Variants in SPMIP7 observed in about 807,000 individuals in gnomAD.
SPMIP7 encodes the protein sperm microtubule inner protein 7, also known as protein SPMIP7.
chr7:50,098,531 A>G, the SPMIP7 span, among the ~76,000 whole-genome samples: 20 of 152,186 alleles, frequency 1.3e-4, no homozygotes, highest in Non-Finnish European at 4.4e-5. Context: ...GCATGACAAA[A>G]TACTAAAGGC....
chr7:50,128,492 T>C, the SPMIP7 span, among the ~76,000 whole-genome samples: 1 of 151,998 alleles, frequency 6.6e-6, no homozygotes, highest in Non-Finnish European at 1.5e-5. Context: ...AAAGAAAAGA[T>C]AGATATTTAA....
chr7:50,143,135 A>T, the SPMIP7 span, among the ~76,000 whole-genome samples: 2 of 145,886 alleles, frequency 1.4e-5, no homozygotes, highest in Non-Finnish European at 3.0e-5. Context: ...ACACTGCTAT[A>T]CCCCTGCCTT....
the SPMIP7 span, among the ~76,000 whole-genome samples, chr7:50,114,572 A>C: frequency 3.7e-4 from 57 of 152,242 alleles, no homozygotes; most frequent in Admixed American, 3.5e-3. Flanking sequence ...TGAAATTTTA[A>C]AATTAAAAAA....
At chr7:50,133,177 T>A in the SPMIP7 span, among the ~76,000 whole-genome samples, 2 of 152,120 alleles carry the variant, frequency 1.3e-5, no homozygotes, top group African/African-American at 2.4e-5. Context: ...CTGTCATATA[T>A]GCCTGTGAAA....
chr7:50,134,494 T>G, the SPMIP7 span, among the ~76,000 whole-genome samples: 4 of 152,228 alleles, frequency 2.6e-5, no homozygotes, highest in South Asian at 8.3e-4. Flanking sequence ...TTATTGATTA[T>G]GTAAAGACTA....
At chr7:50,104,080 CTAA>C in the SPMIP7 span, among the ~76,000 whole-genome samples, 1 of 152,102 alleles carries the variant, frequency 6.6e-6, no homozygotes, top group Non-Finnish European at 1.5e-5. Flanking sequence ...TAGGTATCTT[CTAA>C]TAATAAGTAA....
At chr7:50,125,584 TG>T in the SPMIP7 span, among the ~76,000 whole-genome samples, 9 of 91,698 alleles carry the variant, frequency 9.8e-5, no homozygotes, top group African/African-American at 3.5e-4. Context: ...AAAGAAAATA[TG>T]GTGTGTGTGT....
chr7:50,100,270 T>A, the SPMIP7 span, among the ~76,000 whole-genome samples: 6 of 152,218 alleles, frequency 3.9e-5, no homozygotes, highest in Admixed American at 3.9e-4. Context: ...TTCCTGATTG[T>A]CTGGTACTGC....
the SPMIP7 span, among the ~76,000 whole-genome samples, chr7:50,157,450 C>T: frequency 6.6e-6 from 1 of 152,254 alleles, no homozygotes; most frequent in South Asian, 2.1e-4. Flanking sequence ...CCACACCCTC[C>T]CACCAGAATG....
the SPMIP7 span, among the ~76,000 whole-genome samples, chr7:50,150,233 G>T: frequency 1.3e-5 from 2 of 152,138 alleles, no homozygotes; most frequent in Non-Finnish European, 2.9e-5. Flanking sequence ...ACCCACAGAG[G>T]TTTGCTTGTT....
the SPMIP7 span, among the ~76,000 whole-genome samples, chr7:50,116,922 G>T: frequency 0.51 from 77,785 of 152,032 alleles, 20,682 homozygotes; most frequent in East Asian, 0.73. Flanking sequence ...TGTAACCTGA[G>T]TGTTGAAGCA....
chr7:50,116,960 A>G, the SPMIP7 span, among the ~76,000 whole-genome samples: 3 of 152,174 alleles, frequency 2.0e-5, no homozygotes, highest in African/African-American at 7.2e-5. Flanking sequence ...GAGAATAAAA[A>G]CTACTCAAAG....
chr7:50,128,230 C>T, the SPMIP7 span, among the ~76,000 whole-genome samples: 4 of 151,868 alleles, frequency 2.6e-5, no homozygotes, highest in Admixed American at 6.6e-5. Flanking sequence ...ACAAATATTG[C>T]TTGTTCACAC....
chr7:50,153,775 A>G, the SPMIP7 span, among the ~76,000 whole-genome samples: 1 of 152,154 alleles, frequency 6.6e-6, no homozygotes, highest in African/African-American at 2.4e-5. Flanking sequence ...GGTCCCACGT[A>G]ATTGAGGGCA....
chr7:50,112,340 G>GTTT, the SPMIP7 span, among the ~76,000 whole-genome samples: 1 of 152,010 alleles, frequency 6.6e-6, no homozygotes, highest in Non-Finnish European at 1.5e-5. Context: ...ATGGTTTCTG[G>GTTT]ACCTTGGCAT....
the SPMIP7 span, chr7:50,141,373 A>G: frequency 6.5e-7 from 1 of 1,548,652 alleles, no homozygotes; most frequent in Non-Finnish European, 8.7e-7. Context: ...AAGCCTCTTT[A>G]TACAAACACA....
the SPMIP7 span, among the ~76,000 whole-genome samples, chr7:50,133,008 A>T: frequency 6.6e-6 from 1 of 152,150 alleles, no homozygotes; most frequent in Admixed American, 6.6e-5. Context: ...TTTTGGAAAG[A>T]TATGCCTTGT....
At chr7:50,103,510 C>A in the SPMIP7 span, among the ~76,000 whole-genome samples, 9 of 152,182 alleles carry the variant, frequency 5.9e-5, no homozygotes, top group Non-Finnish European at 1.2e-4. Context: ...TTCCTATCTA[C>A]CATTTTACAA....
the SPMIP7 span, chr7:50,141,345 G>A: frequency 9.7e-6 from 15 of 1,551,922 alleles, no homozygotes; most frequent in Non-Finnish European, 1.3e-5. Flanking sequence ...CGCATCGCTA[G>A]CCAAGCAGCG....
Sources: allele counts gnomAD v4.1 joint callset (sites outside exome capture counted in the v4.1 genomes callset), GRCh38; gene constraint gnomAD v4.1.1; transcripts MANE v1.5; gene names NCBI Gene and HGNC (gene_info 2026-07-23, HGNC 2026-07-21).